The following RYR1 variants were observed in gnomAD, a reference collection of about 807,000 sequenced individuals.
The protein encoded by RYR1 is ryanodine receptor 1.
A neutral mutation model predicts 583.5 loss-of-function variants in RYR1; 342 were observed. The observed-to-expected ratio is 0.59, with a 90% CI of 0.54 to 0.64. The LOEUF (loss-of-function observed/expected upper bound fraction) is 0.64. Ranked by LOEUF, RYR1 falls within the 30% of genes least tolerant of loss-of-function variation. RYR1 has a pLI of 0.00. For missense variants in RYR1, 6,032 were observed against 6,917.2 expected (o/e 0.87, Z 4.54); for synonymous variants, 2,791 against 2,822.5 (o/e 0.99, Z 0.35).
rs369342449 is a variant in RYR1 at position 38,499,624 on chromosome 19, C to T, written c.7028-11C>T. ...GCTCATGAGACCCCCTTTCCCCATGCGGGTGGCCAGGCGAGAGCGTGGAGG... is the reference window on the plus strand; with the variant it reads ...GCTCATGAGACCCCCTTTCCCCATGTGGGTGGCCAGGCGAGAGCGTGGAGG... On this transcript the variant is annotated splice_polypyrimidine_tract_variant and intron_variant, in intron 43 of 105. Transcript: ENST00000359596. This position sits in a 1 kb window ranked among gnomAD's most constrained non-coding sequence, Gnocchi z 7.3. 3.1e-5 allele frequency: 50 copies of T among 1,596,918 alleles called. No individual in the cohort carries two copies. Among genetic ancestry groups the T allele is most frequent in the African/African-American group, 1.5e-4 (11 of 74,808 alleles).
intron 90 of RYR1, among the ~76,000 whole-genome samples, chr19:38,563,386 T>A (rs567892632): frequency 6.6e-6 from 1 of 152,340 alleles, no homozygotes; most frequent in Admixed American, 6.5e-5. Flanking sequence ...TGTCTCAGCC[T>A]CCTGAGTAGC....
rs80284789 is a variant in RYR1, at chr19:38,449,828, AAG to A, written c.1122+1020_1122+1021del. On this transcript the variant is annotated intron_variant, in intron 11 of 105. Coordinates refer to ENST00000359596, the MANE Select transcript of RYR1 (RefSeq NM_000540.3). ...AGGCTGGAGTAGTGGTTGGTGAGGA[AAG>A]AGAGGGGATGGGAACAGCTCGTGTG... Among the ~76,000 whole-genome samples, 931 of 152,292 alleles carry A rather than the reference AAG, an allele frequency of 6.1e-3. 75 individuals are homozygous for A. In the East Asian group the frequency reaches 0.16, roughly 27 times the overall value.
rs1193215710 is a variant in RYR1, at chr19:38,543,753, C to T, written c.11908-18C>T. 1.2e-6 allele frequency: 2 copies of T among 1,611,960 alleles called. No homozygotes were observed. Among genetic ancestry groups the T allele is most frequent in the East Asian group, 2.2e-5 (1 of 44,884 alleles). On this transcript the variant is annotated intron_variant, in intron 86 of 105. Coordinates refer to ENST00000359596, the MANE Select transcript of RYR1 (RefSeq NM_000540.3). This position sits in a 1 kb window ranked among gnomAD's most constrained non-coding sequence, Gnocchi z 4.4. ...CTCGGGGATTCCCTTCCCCCCCACA[C>T]GGCACTCTGCCTCCCAGGGTCCCTG... is the stretch of plus-strand genomic sequence containing the variant.
intron 19 of RYR1, among the ~76,000 whole-genome samples, chr19:38,459,608 C>T (rs1967619684): frequency 6.6e-6 from 1 of 152,116 alleles, no homozygotes. Context: ...CTCTCAACAA[C>T]CCAAGGTTCT....
chr19:38,502,407 C>A, intron 47 of RYR1, 100 bp from the exon 48 acceptor site: 1 of 1,135,298 alleles, frequency 8.8e-7, no homozygotes, highest in Non-Finnish European at 1.3e-6. Flanking sequence ...TTGGGGGAGT[C>A]ATCAGAAGCT....
Position 38,520,693 on chromosome 19 carries a change from CAAAAAAAAA to C in RYR1, c.10259+1257_10259+1265del, listed in dbSNP as rs71165555. On this transcript the variant is annotated intron_variant, in intron 67 of 105. Coordinates refer to ENST00000359596, the MANE Select transcript of RYR1 (RefSeq NM_000540.3). Reference sequence around the variant, plus strand: ...CTAGGAACAGAGCGAGGCTCCACCTCAAAAAAAAAAAAAAAAAAAAAAAAAAGATGTATA... The same window carrying C: ...CTAGGAACAGAGCGAGGCTCCACCTCAAAAAAAAAAAAAAAAAGATGTATA... Among the ~76,000 whole-genome samples, 4 of 46,904 alleles carry C rather than the reference CAAAAAAAAA, an allele frequency of 8.5e-5. No homozygotes were observed. The South Asian group carries it at 4.6e-3, about 54-fold the overall frequency. 30.8% of individuals were successfully genotyped at this position (46,904 alleles called of 152,430 possible).
chr19:38,497,438 C>T (rs1439996897), intron 42 of RYR1, among the ~76,000 whole-genome samples: 3 of 152,110 alleles, frequency 2.0e-5, no homozygotes, highest in Non-Finnish European at 2.9e-5. Flanking sequence ...CTGCTCCCCT[C>T]GCTCCCTGGC....
intron 89 of RYR1, among the ~76,000 whole-genome samples, chr19:38,556,458 G>A (rs1322284764): frequency 6.6e-6 from 1 of 151,448 alleles, no homozygotes; most frequent in Non-Finnish European, 1.5e-5. Flanking sequence ...CTTCAACCTG[G>A]GCAACTGAGC....
At chr19:38,484,253 C>T (rs1969162961) in intron 33 of RYR1, among the ~76,000 whole-genome samples, 1 of 152,136 alleles carries the variant, frequency 6.6e-6, no homozygotes, top group Non-Finnish European at 1.5e-5. Context: ...GATCACGCCA[C>T]TGCACTCCAG....
intron 82 of RYR1, among the ~76,000 whole-genome samples, chr19:38,536,280 C>T (rs1037339046): frequency 5.0e-5 from 5 of 99,476 alleles, no homozygotes; most frequent in Non-Finnish European, 9.9e-5. Flanking sequence ...CACCCACCTC[C>T]GCCCCCCCCC....
intron 1 of RYR1, among the ~76,000 whole-genome samples, chr19:38,437,677 G>T (rs78474007): frequency 6.6e-6 from 1 of 152,018 alleles, no homozygotes; most frequent in Non-Finnish European, 1.5e-5. Context: ...TTAGCTGGGC[G>T]TGGCAGTGTG....
rs1969449739 is a variant in RYR1 at position 38,489,377 on chromosome 19, G to A, written c.5748G>A (p.Gly1916=). ...AAGAGGAAGAGGAGGCAGCAGAAGG[G>A]GAGAAAGAAGAAGGCTTGGAGGAAG... The part of the protein sequence containing the change: ...EEKEEEEAAE[G]EKEEGLEEGL... The change falls in exon 35 of 106, where the codon GGG becomes GGA. Residue 1916 remains glycine, a synonymous_variant. Coordinates refer to ENST00000359596, the MANE Select transcript of RYR1 (RefSeq NM_000540.3). 1 of 1,613,990 alleles carries A rather than the reference G, an allele frequency of 6.2e-7. No homozygotes were observed. Among genetic ancestry groups the A allele is most frequent in the South Asian group, 1.1e-5 (1 of 91,066 alleles).
Position 38,477,716 on chromosome 19 carries a change from T to C in RYR1, c.4300T>C (p.Tyr1434His). Residue 1434 changes from tyrosine (Y) to histidine (H), a missense_variant, in exon 30 of 106, where the codon TAC (tyrosine) becomes CAC (histidine). Coordinates refer to ENST00000359596, the MANE Select transcript of RYR1 (RefSeq NM_000540.3). ...EIILNTTTYY[Y>H]SVRVFAGQEP... ...CCCCTCCTTGTGTCACCAGTACTAT[T>C]ACTCCGTGAGGGTCTTTGCTGGACA... 1 of 1,614,164 alleles carries C rather than the reference T, an allele frequency of 6.2e-7. No individual in the cohort carries two copies. The highest frequency in any genetic ancestry group is 1.1e-5 in the South Asian group (1 of 91,078).
chr19:38,558,129 T>C (rs1479861866), intron 89 of RYR1, among the ~76,000 whole-genome samples: 1 of 150,718 alleles, frequency 6.6e-6, no homozygotes, highest in East Asian at 2.0e-4. Context: ...GAAAACATAA[T>C]GAGACCTTGT....
At chr19:38,475,023 A>G (rs917716140) in intron 28 of RYR1, among the ~76,000 whole-genome samples, 2 of 152,192 alleles carry the variant, frequency 1.3e-5, no homozygotes, top group South Asian at 2.1e-4. Flanking sequence ...TTTAGCACCT[A>G]TACGAGAAAT....
chr19:38,567,086 C>T lies in RYR1; in HGVS notation c.13514+99C>T, dbSNP rs1218325256. The T allele has an allele frequency of 2.6e-6, 4 of 1,534,308 alleles. No individual in the cohort carries two copies. The African/African-American group carries it at 4.1e-5, about 16-fold the overall frequency. ...AGGCCCCAAGGCTGTCCTGGCCACC[C>T]TGTGTCCTCGGCATCACCCAGCCCA... On this transcript the variant is annotated intron_variant, in intron 92 of 105. Coordinates refer to ENST00000359596, the MANE Select transcript of RYR1 (RefSeq NM_000540.3).
rs757539208 is a variant in RYR1, at chr19:38,519,308, G to A, written c.10113G>A (p.Lys3371=). Residue 3371 remains lysine (K), a synonymous_variant, in exon 67 of 106, where the codon AAG becomes AAA. Transcript: ENST00000359596. ...TIGRLRKRAG[K]VVSEEEQLRL... is the part of the protein sequence containing the mutation. ...GGCGGCTGCGCAAGAGGGCAGGGAA[G>A]GTGGTGTCCGAGGAGGAGCAGCTGC... 6 of 1,614,078 alleles carry A rather than the reference G, an allele frequency of 3.7e-6. No individual in the cohort carries two copies. The highest frequency in any genetic ancestry group is 3.3e-5 in the Admixed American group (2 of 60,016).
intron 78 of RYR1, 130 bp downstream of exon 78, chr19:38,532,866 G>A (rs1346058942): frequency 4.5e-6 from 4 of 896,252 alleles, no homozygotes; most frequent in Non-Finnish European, 7.1e-6. Context: ...AGTCCACTGG[G>A]GAGACAGATA....
At chr19:38,507,050 C>A (rs573400855) in intron 57 of RYR1, 98 bp downstream of exon 57, 1 of 1,570,742 alleles carries the variant, frequency 6.4e-7, no homozygotes, top group African/African-American at 1.4e-5. Flanking sequence ...CCGAGAGGAA[C>A]GGGGCCTGAG....
Sources: gnomAD v4.1 joint callset for allele counts (sites outside exome capture counted in the v4.1 genomes callset) on GRCh38, gnomAD v4.1.1 for gene constraint, Gnocchi (gnomAD v3.1) non-coding constraint, MANE v1.5 for transcripts, NCBI Gene and HGNC (gene_info 2026-07-23, HGNC 2026-07-21) for gene names.